UBE2E2: variants seen among roughly 807,000 people sequenced by gnomAD.
UBE2E2 encodes the protein ubiquitin conjugating enzyme E2 E2.
UBE2E2 carries 6 observed loss-of-function variants against 24.7 expected under a neutral mutation model. The ratio of observed to expected loss-of-function variants is 0.24; its 90% CI spans 0.13 to 0.48. The LOEUF is 0.48. Among genes scored for constraint, UBE2E2 ranks in the 20% least tolerant of loss-of-function variants. The pLI, the probability that UBE2E2 is intolerant of heterozygous loss-of-function variation, is 0.99. For missense variants in UBE2E2, 169 were observed against 245.0 expected, an observed-to-expected ratio of 0.69 and a Z score of 2.07; for synonymous variants, 104 against 83.6, an observed-to-expected ratio of 1.24 and a Z score of -1.33.
intron 5 of UBE2E2, among the ~76,000 whole-genome samples, chr3:23,557,999 G>A (rs1188300110): frequency 2.6e-5 from 4 of 152,176 alleles, no homozygotes; most frequent in Admixed American, 2.6e-4. Context: ...TGTCAACATG[G>A]CTGTCTTACT....
chr3:23,540,454 C>A (rs955779357), intron 5 of UBE2E2, among the ~76,000 whole-genome samples: 1 of 151,964 alleles, frequency 6.6e-6, no homozygotes, highest in Non-Finnish European at 1.5e-5. Flanking sequence ...TCCCAGGCTG[C>A]AGTGCAATGG....
chr3:23,272,932 G>A (rs141505223), intron 3 of UBE2E2, among the ~76,000 whole-genome samples: 1 of 152,242 alleles, frequency 6.6e-6, no homozygotes, highest in Non-Finnish European at 1.5e-5. Flanking sequence ...ATTTCAAGCA[G>A]TCAGACAAGT....
intron 3 of UBE2E2, among the ~76,000 whole-genome samples, chr3:23,276,315 T>C (rs1187429039): frequency 6.6e-6 from 1 of 152,136 alleles, no homozygotes; most frequent in African/African-American, 2.4e-5. Flanking sequence ...TAAATTTTAG[T>C]TTTAAGAAAC....
intron 3 of UBE2E2, among the ~76,000 whole-genome samples, chr3:23,396,608 T>TA (rs1697084795): frequency 6.6e-6 from 1 of 151,978 alleles, no homozygotes; most frequent in East Asian, 1.9e-4. Flanking sequence ...AGACCTGAGT[T>TA]AGAGTCCCAA....
intron 5 of UBE2E2, among the ~76,000 whole-genome samples, chr3:23,568,913 CA>C (rs1696156167): frequency 6.6e-6 from 1 of 151,774 alleles, no homozygotes; most frequent in African/African-American, 2.4e-5. Flanking sequence ...CTGCCTTGGA[CA>C]GCACTTTAGC....
intron 4 of UBE2E2, among the ~76,000 whole-genome samples, chr3:23,523,802 G>C (rs1486671438): frequency 6.8e-6 from 1 of 147,924 alleles, no homozygotes; most frequent in Non-Finnish European, 1.5e-5. Context: ...TAAGAAAAGA[G>C]CACTTGAAAT....
intron 3 of UBE2E2, among the ~76,000 whole-genome samples, chr3:23,296,093 G>A (rs757672434): frequency 1.3e-5 from 2 of 152,056 alleles, no homozygotes; most frequent in African/African-American, 4.8e-5. Context: ...TTTTCAGCTG[G>A]TGACCTGGAC....
chr3:23,332,690 TGTG>T (rs1695095049), intron 3 of UBE2E2, among the ~76,000 whole-genome samples: 1 of 148,854 alleles, frequency 6.7e-6, no homozygotes, highest in African/African-American at 2.5e-5. Context: ...TGTGTGTGTG[TGTG>T]TGTGTGTGTG....
intron 3 of UBE2E2, among the ~76,000 whole-genome samples, chr3:23,333,766 A>G (rs1446758891): frequency 1.3e-5 from 2 of 152,190 alleles, no homozygotes; most frequent in Admixed American, 6.5e-5. Context: ...ATTAAAGGAC[A>G]TGAATATATC....
At chr3:23,366,901 A>C (rs1696271767) in intron 3 of UBE2E2, among the ~76,000 whole-genome samples, 1 of 152,196 alleles carries the variant, frequency 6.6e-6, no homozygotes, top group Admixed American at 6.5e-5. Context: ...CTATGTTCTA[A>C]TTATAGAAGA....
At chr3:23,240,015 G>A (rs569897046) in intron 3 of UBE2E2, among the ~76,000 whole-genome samples, 1 of 152,094 alleles carries the variant, frequency 6.6e-6, no homozygotes, top group Non-Finnish European at 1.5e-5. Flanking sequence ...GCCTTGTCCT[G>A]GGGTATAACT....
intron 4 of UBE2E2, among the ~76,000 whole-genome samples, chr3:23,521,211 C>G (rs924059493): frequency 4.6e-5 from 7 of 152,096 alleles, no homozygotes; most frequent in African/African-American, 1.7e-4. Flanking sequence ...CTGCGTCTTA[C>G]AGAATTGCCT....
intron 3 of UBE2E2, among the ~76,000 whole-genome samples, chr3:23,329,091 A>C (rs1694991633): frequency 6.6e-6 from 1 of 152,218 alleles, no homozygotes; most frequent in Non-Finnish European, 1.5e-5. Context: ...TTTCTCTTGA[A>C]AATGTAACAA....
intron 5 of UBE2E2, among the ~76,000 whole-genome samples, chr3:23,582,033 T>G (rs1447253472): frequency 1.3e-5 from 2 of 152,134 alleles, no homozygotes; most frequent in African/African-American, 4.8e-5. Context: ...CATAGGTAGT[T>G]TTTCTATCCT....
chr3:23,523,100 A>G (rs1373643744), intron 4 of UBE2E2, among the ~76,000 whole-genome samples: 1 of 152,228 alleles, frequency 6.6e-6, no homozygotes, highest in Non-Finnish European at 1.5e-5. Flanking sequence ...AAAAACACAA[A>G]TTTAGAAAAG....
At chr3:23,463,782 A>G (rs148526950) in intron 3 of UBE2E2, among the ~76,000 whole-genome samples, 101 of 152,286 alleles carry the variant, frequency 6.6e-4, no homozygotes, top group African/African-American at 2.2e-3. Context: ...GAGCCCATTT[A>G]AAATTTATTC....
chr3:23,268,904 C>G (rs1030802404), intron 3 of UBE2E2, among the ~76,000 whole-genome samples: 6 of 152,156 alleles, frequency 3.9e-5, no homozygotes, highest in African/African-American at 1.4e-4. Context: ...CGCCACATAT[C>G]TACAACCATC....
chr3:23,420,452 T>C (rs377312277), intron 3 of UBE2E2, among the ~76,000 whole-genome samples: 1 of 152,344 alleles, frequency 6.6e-6, no homozygotes, highest in African/African-American at 2.4e-5. Flanking sequence ...TTGAATGACA[T>C]ATTATTCAGG....
chr3:23,524,317 A>T (rs1694941123), intron 4 of UBE2E2, among the ~76,000 whole-genome samples: 1 of 152,142 alleles, frequency 6.6e-6, no homozygotes, highest in Non-Finnish European at 1.5e-5. Flanking sequence ...CCTTAAAGTG[A>T]TGCATTCTCA....
Sources: gnomAD v4.1 joint callset for allele counts (sites outside exome capture counted in the v4.1 genomes callset) on GRCh38, gnomAD v4.1.1 for gene constraint, MANE v1.5 for transcripts, NCBI Gene and HGNC (gene_info 2026-07-23, HGNC 2026-07-21) for gene names.